ZMAT4: variants seen among roughly 807,000 people sequenced by gnomAD.
ZMAT4 encodes zinc finger matrin-type protein 4.
A neutral mutation model predicts 28.7 loss-of-function variants in ZMAT4; 17 were observed. The observed-to-expected ratio is 0.59, with a 90% CI of 0.41 to 0.89. The LOEUF (loss-of-function observed/expected upper bound fraction) is 0.89, where lower values mean the gene tolerates loss of function less well. Among genes scored for constraint, ZMAT4 ranks in the 40% least tolerant of loss-of-function variants. ZMAT4 has a pLI of 0.00. For missense variants in ZMAT4, 240 were observed against 283.8 expected (o/e 0.85, Z 1.11); for synonymous variants, 117 against 109.2 (o/e 1.07, Z -0.44).
chr8:40,637,293 G>A (rs1806831442), intron 5 of ZMAT4, among the ~76,000 whole-genome samples: 1 of 152,092 alleles, frequency 6.6e-6, no homozygotes, highest in African/African-American at 2.4e-5. Context: ...AGCAATTTTA[G>A]AAACACAATA....
At chr8:40,761,318 A>G (rs1298119201) in intron 3 of ZMAT4, among the ~76,000 whole-genome samples, 3 of 152,148 alleles carry the variant, frequency 2.0e-5, no homozygotes, top group Non-Finnish European at 4.4e-5. Flanking sequence ...TTCTAAATAA[A>G]TATTGAATGA....
intron 2 of ZMAT4, among the ~76,000 whole-genome samples, chr8:40,795,668 CT>C (rs1814566012): frequency 6.6e-6 from 1 of 152,198 alleles, no homozygotes; most frequent in African/African-American, 2.4e-5. Flanking sequence ...AGGATATAAA[CT>C]TTCAATCCCC....
chr8:40,600,789 T>A (rs144438784), intron 5 of ZMAT4, among the ~76,000 whole-genome samples: 48 of 152,288 alleles, frequency 3.2e-4, no homozygotes, highest in Non-Finnish European at 5.6e-4. Context: ...TTTCCTCATG[T>A]CAGCCCACAC....
chr8:40,870,129 A>G (rs570360484), intron 1 of ZMAT4, among the ~76,000 whole-genome samples: 2 of 152,352 alleles, frequency 1.3e-5, no homozygotes, highest in Non-Finnish European at 2.9e-5. Flanking sequence ...AGGAAATCTG[A>G]TGAGTGAATG....
At chr8:40,722,681 G>T (rs977811919) in intron 3 of ZMAT4, among the ~76,000 whole-genome samples, 4 of 152,134 alleles carry the variant, frequency 2.6e-5, no homozygotes. Flanking sequence ...GGAAAAAGCT[G>T]CACATACACC....
chr8:40,648,534 G>A (rs537895403), intron 5 of ZMAT4, among the ~76,000 whole-genome samples: 4 of 147,542 alleles, frequency 2.7e-5, no homozygotes, highest in African/African-American at 5.0e-5. Context: ...CCCCAATCTA[G>A]CAAGGCAGGC....
intron 4 of ZMAT4, among the ~76,000 whole-genome samples, chr8:40,682,976 C>A (rs1563409177): frequency 6.6e-6 from 1 of 152,062 alleles, no homozygotes; most frequent in East Asian, 1.9e-4. Context: ...CAAAAGAATC[C>A]AAAGGCTGTA....
At chr8:40,655,193 A>C (rs1807861596) in intron 5 of ZMAT4, among the ~76,000 whole-genome samples, 1 of 152,126 alleles carries the variant, frequency 6.6e-6, no homozygotes, top group Non-Finnish European at 1.5e-5. Context: ...CAATCCAAAA[A>C]TAAAATTAAG....
At chr8:40,660,308 G>A (rs920378091) in intron 5 of ZMAT4, among the ~76,000 whole-genome samples, 2 of 152,294 alleles carry the variant, frequency 1.3e-5, no homozygotes, top group African/African-American at 4.8e-5. Flanking sequence ...AGTTGAAGTG[G>A]CTTTTTCAAG....
chr8:40,653,543 T>C (rs529623273), intron 5 of ZMAT4, among the ~76,000 whole-genome samples: 1 of 152,060 alleles, frequency 6.6e-6, no homozygotes, highest in Non-Finnish European at 1.5e-5. Context: ...AACTCACAAA[T>C]TACTAAACTA....
At chr8:40,770,768 T>C (rs1813358110) in intron 2 of ZMAT4, among the ~76,000 whole-genome samples, 2 of 151,996 alleles carry the variant, frequency 1.3e-5, no homozygotes, top group South Asian at 2.1e-4. Flanking sequence ...GGCTGGTCTC[T>C]AACTCATGGC....
intron 2 of ZMAT4, among the ~76,000 whole-genome samples, chr8:40,807,374 GAGA>G (rs929654494): frequency 3.9e-5 from 6 of 152,104 alleles, no homozygotes; most frequent in African/African-American, 1.4e-4. Flanking sequence ...ACACCAGGAG[GAGA>G]AGGTTGCAGT....
intron 6 of ZMAT4, among the ~76,000 whole-genome samples, chr8:40,538,187 T>C (rs138152265): frequency 9.2e-5 from 14 of 152,324 alleles, no homozygotes; most frequent in African/African-American, 3.1e-4. Flanking sequence ...GAGCCTACTA[T>C]CTGAAGGCTT....
chr8:40,847,658 T>A (rs1023962381), intron 1 of ZMAT4, among the ~76,000 whole-genome samples: 1 of 152,276 alleles, frequency 6.6e-6, no homozygotes, highest in Admixed American at 6.5e-5. Flanking sequence ...AGCTTGCAGA[T>A]CACAGACTGC....
intron 3 of ZMAT4, among the ~76,000 whole-genome samples, chr8:40,763,450 C>G (rs763011865): frequency 2.0e-4 from 30 of 151,582 alleles, no homozygotes; most frequent in Non-Finnish European, 3.8e-4. Context: ...GATGAAAGAT[C>G]ACTCATATAT....
intron 3 of ZMAT4, among the ~76,000 whole-genome samples, chr8:40,741,573 GTAT>G (rs1812005491): frequency 6.6e-6 from 1 of 152,162 alleles, no homozygotes; most frequent in South Asian, 2.1e-4. Flanking sequence ...GTAATATCCA[GTAT>G]TATTATATTA....
chr8:40,618,051 T>G (rs1806072566), intron 5 of ZMAT4, among the ~76,000 whole-genome samples: 1 of 152,214 alleles, frequency 6.6e-6, no homozygotes, highest in South Asian at 2.1e-4. Context: ...GGAAACTAGC[T>G]GGATGTATGA....
chr8:40,721,866 A>T (rs1043368102), intron 3 of ZMAT4, among the ~76,000 whole-genome samples: 3 of 151,932 alleles, frequency 2.0e-5, no homozygotes, highest in African/African-American at 7.3e-5. Context: ...TTCATTGTAG[A>T]TTCTGGATAT....
chr8:40,830,484 A>G (rs1816240382), intron 1 of ZMAT4, among the ~76,000 whole-genome samples: 1 of 152,090 alleles, frequency 6.6e-6, no homozygotes, highest in Non-Finnish European at 1.5e-5. Flanking sequence ...CTCTACCTCT[A>G]CCCTTATTGC....
Sources: gnomAD v4.1 joint callset for allele counts (sites outside exome capture counted in the v4.1 genomes callset) on GRCh38, gnomAD v4.1.1 for gene constraint, MANE v1.5 for transcripts, NCBI Gene and HGNC (gene_info 2026-07-23, HGNC 2026-07-21) for gene names.